Variants in NDRG3 observed in about 807,000 individuals in gnomAD.
NDRG3 encodes protein NDRG3.
Under a neutral mutation model 57.2 loss-of-function variants are expected in NDRG3, and 23 were observed. The observed-to-expected ratio is 0.40, with a 90% CI of 0.29 to 0.57. The LOEUF (loss-of-function observed/expected upper bound fraction) is 0.57. NDRG3 is among the 20% of genes least tolerant of loss of function. NDRG3 has a pLI of 0.42. For missense variants in NDRG3, 384 were observed against 457.3 expected (o/e 0.84, Z 1.46); for synonymous variants, 132 against 162.6 (o/e 0.81, Z 1.43).
intron 2 of NDRG3, among the ~76,000 whole-genome samples, chr20:36,718,662 GAGAA>G (rs1170876601): frequency 1.3e-5 from 2 of 152,072 alleles, no homozygotes; most frequent in Admixed American, 1.3e-4. Flanking sequence ...GGAAGGGAGA[GAGAA>G]AGAGAGCCTC....
intron 1 of NDRG3, among the ~76,000 whole-genome samples, chr20:36,743,711 A>G (rs867858119): frequency 7.3e-6 from 1 of 137,416 alleles, no homozygotes; most frequent in Non-Finnish European, 1.6e-5. Context: ...CCAGCTGCTC[A>G]GGAGGCTGAG....
intron 2 of NDRG3, among the ~76,000 whole-genome samples, chr20:36,715,703 A>AC: frequency 6.7e-6 from 1 of 149,346 alleles, no homozygotes; most frequent in East Asian, 2.0e-4. Context: ...TGTGGTCCCA[A>AC]CTACTTGGGA....
At chr20:36,664,986 G>T (rs933651900) in intron 12 of NDRG3, 60 bp downstream of exon 12, 1 of 1,521,886 alleles carries the variant, frequency 6.6e-7, no homozygotes, top group Non-Finnish European at 9.1e-7. Flanking sequence ...ACTGCACCTG[G>T]CCTACACATT....
chr20:36,697,532 C>T (rs755444842), intron 3 of NDRG3, among the ~76,000 whole-genome samples: 1 of 152,066 alleles, frequency 6.6e-6, no homozygotes, highest in Admixed American at 6.6e-5. Context: ...TATGGCGAAA[C>T]CCCATCTCTA....
intron 2 of NDRG3, among the ~76,000 whole-genome samples, chr20:36,707,929 CA>C (rs1983640160): frequency 6.6e-6 from 1 of 151,672 alleles, no homozygotes; most frequent in Admixed American, 6.6e-5. Flanking sequence ...ACTAAAAATA[CA>C]AAAATTAGCC....
intron 15 of NDRG3, among the ~76,000 whole-genome samples, chr20:36,655,555 A>T (rs1978582575): frequency 6.6e-6 from 1 of 152,208 alleles, no homozygotes; most frequent in Non-Finnish European, 1.5e-5. Context: ...CCTGGGGTGG[A>T]GGAGACTTTA....
At chr20:36,658,025 A>T (rs548382350) in intron 13 of NDRG3, among the ~76,000 whole-genome samples, 2 of 152,264 alleles carry the variant, frequency 1.3e-5, no homozygotes, top group South Asian at 4.1e-4. Context: ...GTAGATGGGC[A>T]TTTTTGCGAA....
At chr20:36,709,540 G>A (rs1052462056) in intron 2 of NDRG3, among the ~76,000 whole-genome samples, 3 of 152,316 alleles carry the variant, frequency 2.0e-5, no homozygotes, top group South Asian at 2.1e-4. Flanking sequence ...CTAAGATACT[G>A]TGCAGATGGG....
intron 3 of NDRG3, chr20:36,700,490 A>G (rs1415687415): frequency 1.9e-6 from 1 of 532,264 alleles, no homozygotes; most frequent in Non-Finnish European, 3.9e-6. Flanking sequence ...ACAGCTTGAA[A>G]AAAACTCCAT....
At chr20:36,676,848 C>A (rs562016915) in intron 8 of NDRG3, among the ~76,000 whole-genome samples, 1 of 152,366 alleles carries the variant, frequency 6.6e-6, no homozygotes, top group East Asian at 1.9e-4. Flanking sequence ...TGGGGCTGCA[C>A]ACGCCATGGA....
intron 1 of NDRG3, among the ~76,000 whole-genome samples, chr20:36,736,481 T>A (rs1185721230): frequency 6.6e-6 from 1 of 152,196 alleles, no homozygotes; most frequent in Non-Finnish European, 1.5e-5. Context: ...CTGAAAGAGA[T>A]CCCAGAGTAC....
intron 1 of NDRG3, among the ~76,000 whole-genome samples, chr20:36,743,656 A>C (rs1415244511): frequency 6.6e-6 from 1 of 151,410 alleles, no homozygotes; most frequent in African/African-American, 2.4e-5. Flanking sequence ...CTACTAAAAA[A>C]ATACAAAAAA....
intron 4 of NDRG3, 99 bp downstream of exon 4, chr20:36,688,578 AGG>A (rs995391517): frequency 1.2e-6 from 1 of 851,358 alleles, no homozygotes; most frequent in African/African-American, 1.7e-5. Flanking sequence ...TACCACAGAG[AGG>A]GGGAAACCTC....
chr20:36,679,815 T>C (rs1229229988), intron 8 of NDRG3, among the ~76,000 whole-genome samples: 1 of 151,494 alleles, frequency 6.6e-6, no homozygotes. Flanking sequence ...AATTGTAATT[T>C]ATTTATTTAT....
intron 8 of NDRG3, among the ~76,000 whole-genome samples, chr20:36,674,227 TCTCA>T (rs767177882): frequency 2.7e-4 from 41 of 151,992 alleles, no homozygotes; most frequent in Non-Finnish European, 5.0e-4. Flanking sequence ...TGAGATGGAG[TCTCA>T]CTCTGTCACC....
intron 10 of NDRG3, 32 bp downstream of exon 10, chr20:36,666,257 C>A: frequency 6.7e-7 from 1 of 1,502,924 alleles, no homozygotes. Flanking sequence ...AACCTGTTTA[C>A]ATTTAAGTGA....
chr20:36,732,615 A>G (rs142372725), intron 1 of NDRG3, among the ~76,000 whole-genome samples: 48 of 152,218 alleles, frequency 3.2e-4, no homozygotes, highest in Non-Finnish European at 6.2e-4. Flanking sequence ...GTGATCCTGA[A>G]GCTCCCTGTA....
At chr20:36,713,249 G>T (rs918916200) in intron 2 of NDRG3, among the ~76,000 whole-genome samples, 1 of 152,188 alleles carries the variant, frequency 6.6e-6, no homozygotes, top group Admixed American at 6.6e-5. Flanking sequence ...AATTATTACT[G>T]AAAGTTGCAG....
intron 2 of NDRG3, among the ~76,000 whole-genome samples, chr20:36,719,487 A>C (rs1984466766): frequency 6.6e-6 from 1 of 152,014 alleles, no homozygotes; most frequent in Non-Finnish European, 1.5e-5. Flanking sequence ...GTGAAAGATA[A>C]AAGAAGGGGT....
Sources: allele counts gnomAD v4.1 joint callset (sites outside exome capture counted in the v4.1 genomes callset), GRCh38; gene constraint gnomAD v4.1.1; transcripts MANE v1.5; gene names NCBI Gene and HGNC (gene_info 2026-07-23, HGNC 2026-07-21).